Variants in TENM3 observed in about 807,000 individuals in gnomAD.
TENM3 encodes teneurin-3.
TENM3 carries 63 observed loss-of-function variants against 255.1 expected under a neutral mutation model. The ratio of observed to expected loss-of-function variants is 0.25; its 90% CI spans 0.20 to 0.30. TENM3 has a LOEUF of 0.30. Among genes scored for constraint, TENM3 ranks in the 10% least tolerant of loss-of-function variants. The pLI, the probability that TENM3 is intolerant of heterozygous loss-of-function variation, is 1.00. For synonymous variants in TENM3, 1,306 were observed against 1,322.3 expected, an observed-to-expected ratio of 0.99 and a Z score of 0.27; for missense variants, 2,929 against 3,461.1, an observed-to-expected ratio of 0.85 and a Z score of 3.86.
intron 4 of TENM3, among the ~76,000 whole-genome samples, chr4:182,611,282 C>G (rs190020232): frequency 6.6e-6 from 1 of 152,054 alleles, no homozygotes; most frequent in African/African-American, 2.4e-5. Context: ...ATTTACTAAG[C>G]TTGTGCCTGT....
intron 7 of TENM3, 65 bp from the exon 8 acceptor site, chr4:182,679,599 GAA>G (rs61060098): frequency 6.4e-4 from 694 of 1,092,450 alleles, no homozygotes; most frequent in Middle Eastern, 9.8e-4. Flanking sequence ...AGATTGAAGA[GAA>G]AAAAAAAAAG....
intron 13 of TENM3, among the ~76,000 whole-genome samples, chr4:182,717,712 A>C (rs1759320298): frequency 1.3e-5 from 2 of 152,234 alleles, no homozygotes; most frequent in Admixed American, 1.3e-4. Flanking sequence ...GGGAGCAACT[A>C]GTTGCTGTCC....
At chr4:182,376,998 C>G (rs149060337) in intron 3 of TENM3, among the ~76,000 whole-genome samples, 41 of 152,172 alleles carry the variant, frequency 2.7e-4, no homozygotes, top group African/African-American at 9.6e-4. Context: ...AAATAGCAAC[C>G]CCGGAATACT....
chr4:181,858,428 G>T, the TENM3 span, among the ~76,000 whole-genome samples: 2 of 152,164 alleles, frequency 1.3e-5, no homozygotes, highest in African/African-American at 4.8e-5. Context: ...ATCAGATGCT[G>T]GGCTAATGCT....
intron 3 of TENM3, among the ~76,000 whole-genome samples, chr4:182,391,374 A>G (rs991838729): frequency 1.3e-5 from 2 of 152,204 alleles, no homozygotes; most frequent in African/African-American, 4.8e-5. Flanking sequence ...GGATTCTAGT[A>G]CGACTTGTTC....
In TENM3 at chr4:182,388,846, A is replaced by C. The variant is rs537452722; in HGVS notation, c.511+41917A>C. On this transcript the variant is annotated intron_variant, in intron 3 of 27. Coordinates refer to ENST00000511685, the MANE Select transcript of TENM3 (RefSeq NM_001080477.4). ...ATCATTTTGAAAATGTTCGCAATCT[A>C]TGACCAAAAGTTGTTGGCTCTGCAA... 4.3e-4 allele frequency among the ~76,000 whole-genome samples: 65 copies of C among 152,300 alleles called. No individual in the cohort carries two copies. In the South Asian group the frequency reaches 7.0e-3, roughly 17 times the overall value.
chr4:181,642,645 G>T, the TENM3 span, among the ~76,000 whole-genome samples: 70 of 152,096 alleles, frequency 4.6e-4, no homozygotes, highest in African/African-American at 1.6e-3. Context: ...GTTAATTTTT[G>T]AGTTAATCCA....
At chr4:181,778,412 G>A in the TENM3 span, among the ~76,000 whole-genome samples, 6 of 152,044 alleles carry the variant, frequency 3.9e-5, no homozygotes, top group South Asian at 8.3e-4. Context: ...AGAAGCATCC[G>A]CTTCTTTGAT....
At chr4:182,018,703 G>C in the TENM3 span, among the ~76,000 whole-genome samples, 2 of 152,052 alleles carry the variant, frequency 1.3e-5, no homozygotes, top group Non-Finnish European at 2.9e-5. Flanking sequence ...TTAACAGTTT[G>C]CTGTTTCCTA....
At chr4:182,083,375 A>G in the TENM3 span, among the ~76,000 whole-genome samples, 1 of 150,838 alleles carries the variant, frequency 6.6e-6, no homozygotes, top group Non-Finnish European at 1.5e-5. Context: ...TTACTCTCTT[A>G]TATCTATCAT....
chr4:182,355,638 A>G (rs2150734691), intron 3 of TENM3, among the ~76,000 whole-genome samples: 1 of 152,146 alleles, frequency 6.6e-6, no homozygotes, highest in East Asian at 1.9e-4. Flanking sequence ...AATTATCAAC[A>G]TAGGAAAATA....
chr4:181,689,053 G>A, the TENM3 span, among the ~76,000 whole-genome samples: 2 of 152,132 alleles, frequency 1.3e-5, no homozygotes, highest in Non-Finnish European at 2.9e-5. Flanking sequence ...CACATGTATA[G>A]CCCCATTCAT....
chr4:181,697,572 T>G, the TENM3 span, among the ~76,000 whole-genome samples: 1 of 152,146 alleles, frequency 6.6e-6, no homozygotes, highest in Non-Finnish European at 1.5e-5. Context: ...TTTTGTATTT[T>G]TAGTAGAGAA....
the TENM3 span, among the ~76,000 whole-genome samples, chr4:181,956,003 C>G: frequency 6.6e-6 from 1 of 152,132 alleles, no homozygotes; most frequent in African/African-American, 2.4e-5. Flanking sequence ...AACTGCATAG[C>G]TTATAAACAA....
chr4:182,396,055 C>T lies in TENM3; in HGVS notation c.511+49126C>T, dbSNP rs567696970. Reference sequence around the variant, plus strand: ...GTCATATTTCATTTTTTTTCTCAACCGAAGCATATTTGAATTTTCCTCACT... The same window carrying T: ...GTCATATTTCATTTTTTTTCTCAACTGAAGCATATTTGAATTTTCCTCACT... On this transcript the variant is annotated intron_variant, in intron 3 of 27. Transcript: ENST00000511685. Among the ~76,000 whole-genome samples the T allele has an allele frequency of 5.9e-5, 9 of 152,036 alleles. No individual in the cohort carries two copies. In the South Asian group the frequency reaches 1.9e-3, roughly 32 times the overall value.
intron 4 of TENM3, among the ~76,000 whole-genome samples, chr4:182,616,497 A>G (rs916526851): frequency 2.9e-4 from 37 of 126,500 alleles, no homozygotes; most frequent in Non-Finnish European, 1.1e-4. Flanking sequence ...CAATGTGCAC[A>G]TGTACCCTAA....
chr4:181,469,474 CACTT>C, the TENM3 span, among the ~76,000 whole-genome samples: 9 of 152,228 alleles, frequency 5.9e-5, no homozygotes, highest in South Asian at 2.1e-4. Context: ...GCTTTAAAAA[CACTT>C]ACTTATTAAC....
At chr4:182,239,046 T>C (rs1757075014), upstream of TENM3, among the ~76,000 whole-genome samples, 1 of 109,466 alleles carries the variant, frequency 9.1e-6, no homozygotes, top group African/African-American at 2.7e-5. Context: ...TGTGTGTGTG[T>C]GTGTGTGTGT....
chr4:182,089,012 G>A, the TENM3 span, among the ~76,000 whole-genome samples: 2 of 152,142 alleles, frequency 1.3e-5, no homozygotes, highest in African/African-American at 4.8e-5. Context: ...AATGGGATTA[G>A]CACACTTAAA....
Sources: gnomAD v4.1 joint callset for allele counts (sites outside exome capture counted in the v4.1 genomes callset) on GRCh38, gnomAD v4.1.1 for gene constraint, MANE v1.5 for transcripts, NCBI Gene and HGNC (gene_info 2026-07-23, HGNC 2026-07-21) for gene names.